The following ATRX variants were observed in gnomAD, a reference collection of about 807,000 sequenced individuals.
The protein encoded by ATRX is chromatin remodeler ATRX.
A neutral mutation model predicts 172.6 loss-of-function variants in ATRX; 12 were observed. That is an observed-to-expected ratio of 0.07 (90% CI 0.04 to 0.11). The LOEUF is 0.11. ATRX is among the 10% of genes least tolerant of loss of function. The pLI is 1.00. For missense variants in ATRX, 1,368 were observed against 1,767.4 expected, an observed-to-expected ratio of 0.77 and a Z score of 4.05; for synonymous variants, 674 against 594.7, an observed-to-expected ratio of 1.13 and a Z score of -1.94.
chrX:77,574,158 A>G lies in ATRX; in HGVS notation c.6326+92T>C. On this transcript the variant is annotated intron_variant, in intron 28 of 34. Transcript: ENST00000373344. ...TGACTGTACCTTGCATTTGCTAAAA[A>G]CATTCAAATACACAATAAAAATAGT... The G allele has an allele frequency of 4.6e-6, 3 of 648,873 alleles. No homozygotes were observed. The Admixed American group carries it at 8.1e-5, about 17-fold the overall frequency. 53.5% of individuals were successfully genotyped at this position (648,873 alleles called of 1,213,427 possible).
chrX:77,720,807 T>C (rs2073718822), intron 1 of ATRX, among the ~76,000 whole-genome samples: 1 of 111,299 alleles, frequency 9.0e-6, no homozygotes, highest in Non-Finnish European at 1.9e-5. Flanking sequence ...AACGAGGGAA[T>C]CCTCCCTAAC....
rs2148450616 is a variant in ATRX, at chrX:77,654,136, G to A, written c.4279C>T (p.Arg1427Cys). 2 of 1,209,710 alleles carry A rather than the reference G, an allele frequency of 1.7e-6. No individual in the cohort carries two copies. Among genetic ancestry groups the A allele is most frequent in the Non-Finnish European group, 2.2e-6 (2 of 894,284 alleles). The change falls in exon 14 of 35, where the codon CGT becomes TGT. Residue 1427 changes from arginine to cysteine, a missense_variant. Transcript: ENST00000373344. ...GATGAATCTTCTTGAACCTTAATAC[G>A]TCGCCTTTTCTTTTTCTGTTTATAG... ...RSYKQKKKRR[R>C]IKVQEDSSSE...
chrX:77,634,266 TACC>T (rs2068246287), intron 17 of ATRX, among the ~76,000 whole-genome samples: 1 of 104,224 alleles, frequency 9.6e-6, no homozygotes, highest in Admixed American at 1.0e-4. Context: ...AGGTAATTTC[TACC>T]TTAGAATCTT....
intron 30 of ATRX, among the ~76,000 whole-genome samples, chrX:77,556,238 GGA>G (rs1192397883): frequency 5.1e-5 from 1 of 19,601 alleles, no homozygotes; most frequent in Non-Finnish European, 1.1e-4. Context: ...AGGGAGAGAG[GGA>G]GAGAGGGAGA....
At chrX:77,773,667 G>A (rs1173481023) in intron 1 of ATRX, among the ~76,000 whole-genome samples, 4 of 109,761 alleles carry the variant, frequency 3.6e-5, no homozygotes, top group Non-Finnish European at 5.7e-5. Flanking sequence ...CAGGAGAATC[G>A]CCTGGACCCA....
At chrX:77,514,319 G>T (rs147947581) in intron 34 of ATRX, among the ~76,000 whole-genome samples, 1 of 112,084 alleles carries the variant, frequency 8.9e-6, no homozygotes, top group African/African-American at 3.2e-5. Context: ...TAAGCAAAAT[G>T]AACAAAGCTG....
chrX:77,511,169 C>T (rs1557036380), intron 34 of ATRX, among the ~76,000 whole-genome samples: 1 of 111,973 alleles, frequency 8.9e-6, no homozygotes, highest in Non-Finnish European at 1.9e-5. Context: ...GACAATTCTT[C>T]CAGATCTTAT....
intron 30 of ATRX, among the ~76,000 whole-genome samples, chrX:77,525,495 A>G (rs1384672910): frequency 8.9e-6 from 1 of 112,587 alleles, no homozygotes; most frequent in Non-Finnish European, 1.9e-5. Context: ...GTGTTCTACA[A>G]CACACCAAAT....
chrX:77,640,183 GGGAA>G (rs1359510781), intron 15 of ATRX, among the ~76,000 whole-genome samples: 1 of 111,512 alleles, frequency 9.0e-6, no homozygotes, highest in Non-Finnish European at 1.9e-5. Flanking sequence ...TGGAGGGGGA[GGGAA>G]GGAAGAGGGC....
At chrX:77,603,144 A>G (rs1264730576) in intron 22 of ATRX, among the ~76,000 whole-genome samples, 4 of 111,305 alleles carry the variant, frequency 3.6e-5, no homozygotes, top group Admixed American at 9.6e-5. Context: ...ACAGGAAATA[A>G]ATTCCTACAA....
intron 22 of ATRX, among the ~76,000 whole-genome samples, chrX:77,604,263 T>C (rs1200153101): frequency 8.9e-6 from 1 of 112,435 alleles, no homozygotes. Context: ...AGGGGACTGA[T>C]ATCTAGAATT....
At chrX:77,735,278 A>G (rs1404939184) in intron 1 of ATRX, among the ~76,000 whole-genome samples, 1 of 111,472 alleles carries the variant, frequency 9.0e-6, no homozygotes, top group African/African-American at 3.3e-5. Context: ...CCTGGCCAAC[A>G]TGGTGAAATC....
At chrX:77,583,465 G>A (rs782444265) in intron 27 of ATRX, among the ~76,000 whole-genome samples, 56 of 110,597 alleles carry the variant, frequency 5.1e-4, no homozygotes, top group African/African-American at 1.7e-3. Flanking sequence ...CAGAGACTGC[G>A]GTGAGCCAAG....
intron 1 of ATRX, 87 bp from the exon 2 acceptor site, chrX:77,717,330 C>T (rs1447807080): frequency 8.2e-6 from 6 of 732,167 alleles, no homozygotes; most frequent in Non-Finnish European, 1.3e-5. Flanking sequence ...GAAAATATAG[C>T]CATACTGTAA....
rs2148627314 is a variant in ATRX at position 77,684,008 on chromosome X, C to G, written c.1248G>C (p.Glu416Asp). Reference protein sequence around the residue: ...HLALEEDLNSEFRAMDAVNKE... With the variant: ...HLALEEDLNSDFRAMDAVNKE... ...TGTTTACAGCATCCATCGCTCGAAA[C>G]TCGGAATTTAAGTCTTCTTCCAATG... The change falls in exon 9 of 35, where the codon GAG becomes GAC. Residue 416 changes from glutamate (E) to aspartate (D), a missense_variant. By Grantham distance (45) the Glu-to-Asp change is conservative. Transcript: ENST00000373344. The G allele has an allele frequency of 8.3e-7, 1 of 1,208,422 alleles. No individual in the cohort carries two copies. The highest frequency in any genetic ancestry group is 1.1e-6 in the Non-Finnish European group (1 of 892,459).
chrX:77,733,706 TA>T (rs1244088795), intron 1 of ATRX, among the ~76,000 whole-genome samples: 15,145 of 32,802 alleles, frequency 0.46, 2,793 homozygotes, highest in Non-Finnish European at 0.52. Flanking sequence ...CCATCTATGC[TA>T]AAAAAAAAAA....
chrX:77,775,455 G>A (rs1326790020), intron 1 of ATRX, among the ~76,000 whole-genome samples: 1 of 111,150 alleles, frequency 9.0e-6, no homozygotes, highest in Non-Finnish European at 1.9e-5. Flanking sequence ...GGCCAAAGAG[G>A]GCAGATAGCT....
intron 34 of ATRX, among the ~76,000 whole-genome samples, chrX:77,511,193 G>A (rs1557036388): frequency 8.9e-6 from 1 of 111,732 alleles, no homozygotes; most frequent in African/African-American, 3.3e-5. Flanking sequence ...AGACCACCAA[G>A]GCGGTACCTC....
chrX:77,568,493 C>T (rs1557065755), intron 28 of ATRX, among the ~76,000 whole-genome samples: 1 of 111,373 alleles, frequency 9.0e-6, no homozygotes, highest in Non-Finnish European at 1.9e-5. Flanking sequence ...TTTTAAACTC[C>T]CAAAAAAAGA....
Sources: allele counts gnomAD v4.1 joint callset (sites outside exome capture counted in the v4.1 genomes callset), GRCh38; gene constraint gnomAD v4.1.1; transcripts MANE v1.5; gene names NCBI Gene and HGNC (gene_info 2026-07-23, HGNC 2026-07-21).